The following XYLT2 variants were observed in gnomAD, a reference collection of about 807,000 sequenced individuals.
The protein encoded by XYLT2 is xylosyltransferase 2.
XYLT2 carries 37 observed loss-of-function variants against 82.6 expected under a neutral mutation model. The ratio of observed to expected loss-of-function variants is 0.45; its 90% CI spans 0.34 to 0.59. The LOEUF is 0.59. Among genes scored for constraint, XYLT2 ranks in the 20% least tolerant of loss-of-function variants. The pLI, the probability that XYLT2 is intolerant of heterozygous loss-of-function variation, is 0.01. For missense variants in XYLT2, 934 were observed against 1,181.3 expected (o/e 0.79, Z 3.07); for synonymous variants, 474 against 499.0 (o/e 0.95, Z 0.67).
rs201353829 is a variant in XYLT2, at chr17:50,360,038, G to C, written c.2345G>C (p.Ser782Thr). 31 of 1,613,970 alleles carry C rather than the reference G, an allele frequency of 1.9e-5. No individual in the cohort carries two copies. In the East Asian group the frequency reaches 4.2e-4, roughly 22 times the overall value. The change falls in exon 11 of 11, where the codon AGT becomes ACT. Residue 782 changes from serine to threonine, a missense_variant. By Grantham distance (58) the Ser-to-Thr change is moderately conservative (BLOSUM62 1). Around this residue, in one of 3 missense-constraint regions of XYLT2, gnomAD observed 374 missense variants for 465.6 expected, o/e 0.80. Transcript: ENST00000017003. ...EYMEQSFQGLSSILNLPQPEL... is the reference protein window; with the variant it reads ...EYMEQSFQGLTSILNLPQPEL... ...ATGGAGCAGAGTTTCCAGGGCCTGA[G>C]TAGCATCCTGAACCTGCCTCAGCCG...
In XYLT2 at chr17:50,357,193, C is replaced by T; in HGVS notation, c.1882C>T (p.Gln628Ter). ...AETLEMWLMP[Q>*]GSLKLLGRSD... ...GACGCTTGAGATGTGGCTGATGCCC[C>T]AAGGGTCGCTGAAGCTGTTGGGGCG... Residue 628 changes from glutamine (Q) to a stop codon, truncating the protein, a stop_gained, in exon 9 of 11, where the codon CAA becomes TAA. Transcript: ENST00000017003. LOFTEE classifies it high-confidence loss of function. 1 of 1,611,410 alleles carries T rather than the reference C, an allele frequency of 6.2e-7. No individual in the cohort carries two copies. The highest frequency in any genetic ancestry group is 8.5e-7 in the Non-Finnish European group (1 of 1,179,702).
At position 50,346,350 on chromosome 17, in the gene XYLT2, C is replaced by G; in HGVS notation, c.135+75C>G. On this transcript the variant is annotated intron_variant, in intron 1 of 10. Coordinates refer to ENST00000017003, the MANE Select transcript of XYLT2 (RefSeq NM_022167.4). This position sits in a 1 kb window ranked among gnomAD's most constrained non-coding sequence, Gnocchi z 5.1. The stretch of plus-strand genomic sequence containing the variant: ...GGTCCTGGCGGGGCTGCGGGCGGCC[C>G]CAGCCGGGGAAGTGGGGCACGGGCC... The G allele has an allele frequency of 1.0e-6, 1 of 994,804 alleles. No individual in the cohort carries two copies. The highest frequency in any genetic ancestry group is 1.2e-6 in the Non-Finnish European group (1 of 837,120). The allele number at this position is 994,804 out of a possible 1,614,324, so 61.6% of individuals were successfully genotyped here.
intron 1 of XYLT2, among the ~76,000 whole-genome samples, chr17:50,352,656 GA>G (rs1343507422): frequency 6.6e-6 from 1 of 152,232 alleles, no homozygotes; most frequent in East Asian, 1.9e-4. Flanking sequence ...TGGATTTGAG[GA>G]GAGGCAGCAG....
Position 50,356,748 on chromosome 17 carries a change from C to A in XYLT2, c.1720C>A (p.Pro574Thr). ...CCTGCACCATGCCGCCACTGCTGCA[C>A]CCCCAATGGGCACCCCACTCTGCAG... ...LSLHHAATAA[P>T]PMGTPLCRFE... Residue 574 changes from proline (P) to threonine (T), a missense_variant, in exon 8 of 11, where the codon CCC (proline) becomes ACC (threonine). By Grantham distance (38) the Pro-to-Thr change is conservative. Coordinates refer to ENST00000017003, the MANE Select transcript of XYLT2 (RefSeq NM_022167.4). The A allele has an allele frequency of 1.2e-6, 2 of 1,605,226 alleles. No individual in the cohort carries two copies. The highest frequency in any genetic ancestry group is 8.5e-7 in the Non-Finnish European group (1 of 1,179,784).
intron 7 of XYLT2, 85 bp downstream of exon 7, chr17:50,356,346 G>C (rs965849202): frequency 6.4e-7 from 1 of 1,565,402 alleles, no homozygotes; most frequent in African/African-American, 1.4e-5. Flanking sequence ...GCCAGTAAGA[G>C]AATCTGGGGG....
Position 50,353,944 on chromosome 17 carries a change from C to A in XYLT2, c.450C>A (p.Ala150=). 4 of 1,607,006 alleles carry A rather than the reference C, an allele frequency of 2.5e-6. No individual in the cohort carries two copies. The highest frequency in any genetic ancestry group is 3.4e-6 in the Non-Finnish European group (4 of 1,179,840). ...GAGATACAGGGAGCGTGGAGGGCGC[C>A]CCCCAGCCCACGGACAATGGCTTCA... The part of the protein sequence containing the change: ...PHGDTGSVEG[A]PQPTDNGFTP... Residue 150 remains alanine (A), a synonymous_variant, in exon 2 of 11, where the codon GCC becomes GCA. Transcript: ENST00000017003.
At chr17:50,347,817 G>A (rs1476457195) in intron 1 of XYLT2, among the ~76,000 whole-genome samples, 3 of 152,224 alleles carry the variant, frequency 2.0e-5, no homozygotes, top group African/African-American at 7.2e-5. Flanking sequence ...GCAGCATAAC[G>A]GGGTGCATGG....
In XYLT2 at chr17:50,360,337, TACAG is replaced by T; in HGVS notation, c.*51_*54del. 1 of 1,506,324 alleles carries T rather than the reference TACAG, an allele frequency of 6.6e-7. No individual in the cohort carries two copies. The highest frequency in any genetic ancestry group is 8.9e-7 in the Non-Finnish European group (1 of 1,126,110). The allele number at this position is 1,506,324 out of a possible 1,614,324, so 93.3% of individuals were successfully genotyped here. A position where few individuals can be genotyped will look rare whatever the true frequency, so the allele number is the denominator to read the frequency against. On this transcript the variant is annotated 3_prime_UTR_variant, in exon 11 of 11. Transcript: ENST00000017003. The stretch of plus-strand genomic sequence containing the variant: ...GTGGAGGACCCGGGAAATTGCACCT[TACAG>T]ACAGTGGAGGGGTGTCCCCTCCCAC...
chr17:50,348,215 A>G (rs894779284), intron 1 of XYLT2, among the ~76,000 whole-genome samples: 1 of 152,224 alleles, frequency 6.6e-6, no homozygotes, highest in African/African-American at 2.4e-5. Flanking sequence ...GCCCTCATGG[A>G]CAGGTAATCT....
In XYLT2 at chr17:50,355,975, C is replaced by T. The variant is rs1323053203; in HGVS notation, c.1283C>T (p.Thr428Ile). 1 of 1,614,132 alleles carries T rather than the reference C, an allele frequency of 6.2e-7. No homozygotes were observed. Among genetic ancestry groups the T allele is most frequent in the African/African-American group, 1.3e-5 (1 of 74,944 alleles). ...PLVAQLRQFY[T>I]YTLLPAESFF... is the part of the protein sequence containing the mutation. ...GTGGCCCAGCTGCGCCAGTTCTACA[C>T]ATACACACTGCTCCCAGCCGAGGTG... Residue 428 changes from threonine (T) to isoleucine (I), a missense_variant, in exon 6 of 11, where the codon ACA (threonine) becomes ATA (isoleucine). Transcript: ENST00000017003.
chr17:50,350,873 G>A (rs1246024170), intron 1 of XYLT2, among the ~76,000 whole-genome samples: 2 of 152,048 alleles, frequency 1.3e-5, no homozygotes, highest in Non-Finnish European at 1.5e-5. Context: ...GGGGCTATCT[G>A]GGGGAGGGTT....
chr17:50,351,919 T>C (rs1247862272), intron 1 of XYLT2, among the ~76,000 whole-genome samples: 1 of 151,876 alleles, frequency 6.6e-6, no homozygotes, highest in Admixed American at 6.6e-5. Flanking sequence ...ACTTAGGAAG[T>C]GAAGGTGCTA....
chr17:50,354,547 T>C lies in XYLT2; in HGVS notation c.768T>C (p.Tyr256=), dbSNP rs747838468. The C allele has an allele frequency of 1.9e-6, 3 of 1,612,438 alleles. No homozygotes were observed. Among genetic ancestry groups the C allele is most frequent in the Middle Eastern group, 3.3e-4 (2 of 6,056 alleles). Reference sequence around the variant, plus strand: ...TGAAGCGTCTCCTCAAGGCCGTTTATCACGAGCAGCACTTCTTTTACATCC... The same window carrying C: ...TGAAGCGTCTCCTCAAGGCCGTTTACCACGAGCAGCACTTCTTTTACATCC... ...RQLKRLLKAV[Y]HEQHFFYIHV... The change falls in exon 3 of 11, where the codon TAT becomes TAC. Residue 256 remains tyrosine (Y), a synonymous_variant. Coordinates refer to ENST00000017003, the MANE Select transcript of XYLT2 (RefSeq NM_022167.4).
chr17:50,357,465 CAGGGAGGGAATTA>C (rs914268659), intron 9 of XYLT2: 2 of 519,526 alleles, frequency 3.8e-6, no homozygotes, highest in African/African-American at 3.9e-5. Flanking sequence ...ATGCAGGGAG[CAGGGAGGGAATTA>C]TCAGTTCCAC....
intron 1 of XYLT2, among the ~76,000 whole-genome samples, chr17:50,351,696 T>C (rs1912275479): frequency 6.6e-6 from 1 of 152,120 alleles, no homozygotes; most frequent in African/African-American, 2.4e-5. Flanking sequence ...GGAGATGTCA[T>C]TAACTGAGAT....
chr17:50,355,734 A>G lies in XYLT2; in HGVS notation c.1089-47A>G, dbSNP rs548856248. 2.7e-5 allele frequency: 44 copies of G among 1,606,612 alleles called. No homozygotes were observed. In the East Asian group the frequency reaches 9.8e-4, roughly 36 times the overall value. On this transcript the variant is annotated intron_variant, in intron 5 of 10. Coordinates refer to ENST00000017003, the MANE Select transcript of XYLT2 (RefSeq NM_022167.4). Reference sequence around the variant, plus strand: ...TTGCCAGGCGGGTGAAAGAGCTTAGACCCCACCCTGCAGGATCCCCAGCCA... The same window carrying G: ...TTGCCAGGCGGGTGAAAGAGCTTAGGCCCCACCCTGCAGGATCCCCAGCCA...
chr17:50,348,724 G>GAGACTC (rs1912138915), intron 1 of XYLT2, among the ~76,000 whole-genome samples: 1 of 152,242 alleles, frequency 6.6e-6, no homozygotes, highest in Non-Finnish European at 1.5e-5. Context: ...CTGTGACTCA[G>GAGACTC]AGAAGGATTC....
chr17:50,354,280 AGT>A, intron 2 of XYLT2, 126 bp from the exon 3 acceptor site: 2 of 1,491,712 alleles, frequency 1.3e-6, no homozygotes, highest in Non-Finnish European at 1.8e-6. Context: ...GCAGAGGCAG[AGT>A]GGGGACCCAC....
chr17:50,346,762 G>T lies in XYLT2; in HGVS notation c.135+487G>T. ...AGGGGCAGCGGCCGGTGAGGAAGGGGAGCTCGGGGGTGGAATTCAGGCCTG... is the reference window on the plus strand; with the variant it reads ...AGGGGCAGCGGCCGGTGAGGAAGGGTAGCTCGGGGGTGGAATTCAGGCCTG... On this transcript the variant is annotated intron_variant, in intron 1 of 10. Transcript: ENST00000017003. The surrounding 1 kb of genome is among the most constrained non-coding windows in gnomAD (Gnocchi z 5.1). 2 of 985,374 alleles carry T rather than the reference G, an allele frequency of 2.0e-6. No homozygotes were observed. Among genetic ancestry groups the T allele is most frequent in the South Asian group, 4.7e-5 (1 of 21,278 alleles). The allele number at this position is 985,374 out of a possible 1,614,324, so 61.0% of individuals were successfully genotyped here. A position where few individuals can be genotyped will look rare whatever the true frequency, so the allele number is the denominator to read the frequency against.
Sources: allele counts gnomAD v4.1 joint callset (sites outside exome capture counted in the v4.1 genomes callset), GRCh38; gene constraint gnomAD v4.1.1; regional missense constraint gnomAD v4.1.1; non-coding constraint Gnocchi (gnomAD v3.1); transcripts MANE v1.5; gene names NCBI Gene and HGNC (gene_info 2026-07-23, HGNC 2026-07-21).